Variants in CDKN2B-AS1 observed in about 807,000 individuals in gnomAD.
CDKN2B-AS1 encodes CDKN2B and CDKN2A antisense cis and trans regulatory RNA 1.
intron 4 of CDKN2B-AS1, among the ~76,000 whole-genome samples, chr9:22,057,620 G>A (rs1183508112): frequency 2.0e-5 from 3 of 152,200 alleles, no homozygotes; most frequent in Non-Finnish European, 2.9e-5. Context: ...GCCAGCTTGG[G>A]CAACATGGTG....
intron 1 of CDKN2B-AS1, among the ~76,000 whole-genome samples, chr9:22,043,307 T>C (rs1415986163): frequency 1.3e-5 from 2 of 152,076 alleles, no homozygotes; most frequent in Non-Finnish European, 2.9e-5. Flanking sequence ...TAGATTTTTT[T>C]CTACGGTAAG....
At position 22,018,126 on chromosome 9, in the gene CDKN2B-AS1, C is replaced by G. The variant is rs149401414; in HGVS notation, n.29+22965C>G. ...ATCACCTGAGGTCAGGAGTTCAAGACCAGCCTGACCAACATGGTGAAACCA... is the reference window on the plus strand; with the variant it reads ...ATCACCTGAGGTCAGGAGTTCAAGAGCAGCCTGACCAACATGGTGAAACCA... On this transcript the variant is annotated intron_variant and non_coding_transcript_variant, in intron 1 of 4. Transcript: ENST00000650946. 9.1e-3 allele frequency among the ~76,000 whole-genome samples: 1,373 copies of G among 150,986 alleles called. 114 individuals are homozygous for G. In the East Asian group the frequency reaches 0.2, roughly 22 times the overall value.
intron 4 of CDKN2B-AS1, among the ~76,000 whole-genome samples, chr9:22,079,763 C>G (rs1563968416): frequency 6.6e-6 from 1 of 152,154 alleles, no homozygotes; most frequent in African/African-American, 2.4e-5. Context: ...GATCGACATT[C>G]ACCTCAGATG....
intron 4 of CDKN2B-AS1, among the ~76,000 whole-genome samples, chr9:22,110,846 T>C (rs1261544852): frequency 6.6e-6 from 1 of 152,158 alleles, no homozygotes; most frequent in Non-Finnish European, 1.5e-5. Context: ...TTGTTTTCTT[T>C]AGCTTTGCCA....
chr9:22,002,319 A>T (rs1820954452), intron 1 of CDKN2B-AS1, among the ~76,000 whole-genome samples: 1 of 152,066 alleles, frequency 6.6e-6, no homozygotes, highest in Non-Finnish European at 1.5e-5. Flanking sequence ...TTTGCATATC[A>T]TTAGTTCTAC....
intron 1 of CDKN2B-AS1, among the ~76,000 whole-genome samples, chr9:21,998,304 TGAA>T (rs1431401360): frequency 6.6e-6 from 1 of 152,226 alleles, no homozygotes; most frequent in African/African-American, 2.4e-5. Flanking sequence ...AAATTAATAA[TGAA>T]GAACTGAGCA....
intron 4 of CDKN2B-AS1, among the ~76,000 whole-genome samples, chr9:22,103,894 G>C (rs910560209): frequency 1.7e-4 from 26 of 152,204 alleles, no homozygotes; most frequent in African/African-American, 6.0e-4. Context: ...CTGCGTTCCA[G>C]TGACGGTTAT....
At chr9:22,009,122 G>T in intron 1 of CDKN2B-AS1, 1 of 955,842 alleles carries the variant, frequency 1.0e-6, no homozygotes, top group Non-Finnish European at 1.6e-6. Context: ...GGGGCCCCGT[G>T]CAGTGGCCGA....
At chr9:22,007,686 A>G (rs888937792) in intron 1 of CDKN2B-AS1, among the ~76,000 whole-genome samples, 1 of 152,180 alleles carries the variant, frequency 6.6e-6, no homozygotes, top group African/African-American at 2.4e-5. Context: ...AAAAACCGTG[A>G]TAAGTTATAT....
chr9:22,028,338 TAA>T (rs1179380337), intron 1 of CDKN2B-AS1, among the ~76,000 whole-genome samples: 1 of 152,138 alleles, frequency 6.6e-6, no homozygotes, highest in Non-Finnish European at 1.5e-5. Context: ...AGAGTTAAAA[TAA>T]AAGTTTCAAA....
At chr9:22,061,757 C>G (rs1823829971) in intron 4 of CDKN2B-AS1, among the ~76,000 whole-genome samples, 1 of 151,990 alleles carries the variant, frequency 6.6e-6, no homozygotes, top group Non-Finnish European at 1.5e-5. Context: ...CTCTATATGC[C>G]TGAGTTTTCT....
chr9:22,079,358 C>A (rs559838793), intron 4 of CDKN2B-AS1, among the ~76,000 whole-genome samples: 1 of 152,090 alleles, frequency 6.6e-6, no homozygotes, highest in South Asian at 2.1e-4. Context: ...CGTGGTGGCA[C>A]GTGCCTGTAG....
chr9:22,123,849 C>A (rs762567650), intron 4 of CDKN2B-AS1, among the ~76,000 whole-genome samples: 1 of 152,034 alleles, frequency 6.6e-6, no homozygotes, highest in African/African-American at 2.4e-5. Flanking sequence ...CTACAATGAG[C>A]GTAAACAATG....
At chr9:22,113,063 A>C (rs1825842602) in intron 4 of CDKN2B-AS1, among the ~76,000 whole-genome samples, 2 of 152,188 alleles carry the variant, frequency 1.3e-5, no homozygotes, top group African/African-American at 4.8e-5. Context: ...AGTCACCACA[A>C]ACTTAGAGGT....
intron 4 of CDKN2B-AS1, chr9:22,064,126 C>T (rs1002028392): frequency 2.0e-5 from 3 of 152,038 alleles, no homozygotes; most frequent in African/African-American, 7.3e-5. Flanking sequence ...GGTGGATTGC[C>T]CACTAAGACA....
intron 4 of CDKN2B-AS1, among the ~76,000 whole-genome samples, chr9:22,098,155 C>CTT (rs1414494905): frequency 2.3e-5 from 3 of 132,618 alleles, no homozygotes; most frequent in Non-Finnish European, 4.5e-5. Flanking sequence ...CTCTCTCTGT[C>CTT]TCTGTGTGTG....
intron 4 of CDKN2B-AS1, among the ~76,000 whole-genome samples, chr9:22,061,287 T>C (rs1823809095): frequency 6.6e-6 from 1 of 152,198 alleles, no homozygotes; most frequent in East Asian, 1.9e-4. Context: ...TCTGATGACA[T>C]CTTTTCCTTT....
intron 3 of CDKN2B-AS1, chr9:22,056,212 G>GTGTATATATATATATA (rs1285848864): frequency 1.6e-5 from 2 of 124,142 alleles, no homozygotes; most frequent in African/African-American, 6.1e-5. Context: ...ATGTGTGTGT[G>GTGTATATATATATATA]TATATATATA....
intron 4 of CDKN2B-AS1, among the ~76,000 whole-genome samples, chr9:22,089,457 T>C (rs1824988329): frequency 6.6e-6 from 1 of 151,952 alleles, no homozygotes. Context: ...TTTAAAAGGG[T>C]CTCACTCTGT....
Sources: gnomAD v4.1 joint callset for allele counts (sites outside exome capture counted in the v4.1 genomes callset) on GRCh38, gnomAD v4.1.1 for gene constraint, MANE v1.5 for transcripts, NCBI Gene and HGNC (gene_info 2026-07-23, HGNC 2026-07-21) for gene names.